The following PRUNE2 variants were observed in gnomAD, a reference collection of about 807,000 sequenced individuals.
The protein encoded by PRUNE2 is protein prune homolog 2.
Under a neutral mutation model 252.0 loss-of-function variants are expected in PRUNE2, and 164 were observed. The ratio of observed to expected loss-of-function variants is 0.65; its 90% CI spans 0.57 to 0.74. The LOEUF is 0.74. Ranked by LOEUF, PRUNE2 falls within the 30% of genes least tolerant of loss-of-function variation. PRUNE2 has a pLI of 0.00. For missense variants in PRUNE2, 3,495 were observed against 3,711.0 expected, an observed-to-expected ratio of 0.94 and a Z score of 1.51; for synonymous variants, 1,292 against 1,350.2, an observed-to-expected ratio of 0.96 and a Z score of 0.94.
intron 6 of PRUNE2, among the ~76,000 whole-genome samples, chr9:76,773,186 G>C (rs2053305910): frequency 6.6e-6 from 1 of 152,108 alleles, no homozygotes; most frequent in South Asian, 2.1e-4. Flanking sequence ...TTGTTGTTGG[G>C]ATTCATCCAG....
At chr9:76,882,717 C>T (rs2061860470) in intron 1 of PRUNE2, among the ~76,000 whole-genome samples, 2 of 152,166 alleles carry the variant, frequency 1.3e-5, no homozygotes, top group Non-Finnish European at 2.9e-5. Flanking sequence ...GGTACTAAAC[C>T]ATTCATGAGA....
chr9:76,779,827 C>T (rs1255710489), intron 6 of PRUNE2: 2 of 152,224 alleles, frequency 1.3e-5, no homozygotes, highest in Admixed American at 6.5e-5. Context: ...TGCTTTGTCC[C>T]ATTATCACCA....
chr9:76,678,941 G>A (rs2043117100), intron 9 of PRUNE2, among the ~76,000 whole-genome samples: 1 of 152,220 alleles, frequency 6.6e-6, no homozygotes, highest in Non-Finnish European at 1.5e-5. Flanking sequence ...CGGACAGCTA[G>A]GACTGCATCT....
At chr9:76,625,975 A>G (rs1002838485) in intron 16 of PRUNE2, among the ~76,000 whole-genome samples, 1 of 152,178 alleles carries the variant, frequency 6.6e-6, no homozygotes, top group African/African-American at 2.4e-5. Flanking sequence ...GTATTAGATA[A>G]GCTTTGTTTA....
intron 6 of PRUNE2, among the ~76,000 whole-genome samples, chr9:76,774,450 C>CTTTTTTTATTTATTTATTTTTTTTT (rs1564272256): frequency 4.8e-5 from 2 of 41,402 alleles, no homozygotes; most frequent in Non-Finnish European, 7.8e-5. Context: ...CAGTTCAACC[C>CTTTTTTTATTTATTTATTTTTTTTT]TTTTTTTTTT....
intron 4 of PRUNE2, among the ~76,000 whole-genome samples, chr9:76,845,838 A>G (rs1350330551): frequency 1.3e-5 from 2 of 152,126 alleles, no homozygotes; most frequent in Non-Finnish European, 2.9e-5. Context: ...TCAATAATGG[A>G]ATTTCTGTGG....
At chr9:76,814,493 C>A (rs1302010632) in intron 6 of PRUNE2, among the ~76,000 whole-genome samples, 1 of 152,154 alleles carries the variant, frequency 6.6e-6, no homozygotes, top group Non-Finnish European at 1.5e-5. Flanking sequence ...AGCCAAGCCC[C>A]CTAAAAACCC....
At chr9:76,755,085 G>A (rs962280703) in intron 6 of PRUNE2, among the ~76,000 whole-genome samples, 1 of 151,062 alleles carries the variant, frequency 6.6e-6, no homozygotes, top group African/African-American at 2.4e-5. Context: ...TTCATTCGAC[G>A]ATTAAACAGA....
rs1188869760 is a variant in PRUNE2 at position 76,623,129 on chromosome 9, T to C, written c.9188+1323A>G. Among the ~76,000 whole-genome samples, 3 of 152,338 alleles carry C rather than the reference T, an allele frequency of 2.0e-5. No homozygotes were observed. The East Asian group carries it at 5.8e-4, about 29-fold the overall frequency. ...AGGCCTTCTGCTTTTGCAATGTCTA[T>C]TAAAATGGGAGCTGGTTTTAAAAAT... On this transcript the variant is annotated intron_variant, in intron 17 of 18. Coordinates refer to ENST00000376718, the MANE Select transcript of PRUNE2 (RefSeq NM_015225.3).
At chr9:76,711,514 T>C (rs2046728914) in intron 7 of PRUNE2, among the ~76,000 whole-genome samples, 156 bp from the exon 8 acceptor site, 1 of 152,268 alleles carries the variant, frequency 6.6e-6, no homozygotes, top group Non-Finnish European at 1.5e-5. Context: ...TTCTGATTAC[T>C]GTACCACCAA....
chr9:76,811,663 C>G (rs545599016), intron 6 of PRUNE2, among the ~76,000 whole-genome samples: 1 of 152,268 alleles, frequency 6.6e-6, no homozygotes, highest in Non-Finnish European at 1.5e-5. Flanking sequence ...TAGAAACATA[C>G]AAATTTTATT....
rs368592838 is a variant in PRUNE2 at position 76,713,644 on chromosome 9, C to A, written c.834G>T (p.Leu278=). The A allele has an allele frequency of 1.2e-6, 2 of 1,601,668 alleles. No individual in the cohort carries two copies. Among genetic ancestry groups the A allele is most frequent in the Non-Finnish European group, 1.7e-6 (2 of 1,173,916 alleles). ...GCTCCTCTGACAGATAGCTGGAGAA[C>A]AGGATGAGGACATCAAAACCAAACT... ...TDKFGFDVLI[L]FSSYLSEEQQ... is the part of the protein sequence containing the mutation. Residue 278 remains leucine, a synonymous_variant, in exon 7 of 19, where the codon CTG becomes CTT. Coordinates refer to ENST00000376718, the MANE Select transcript of PRUNE2 (RefSeq NM_015225.3).
chr9:76,756,473 A>G lies in PRUNE2; in HGVS notation c.757-42752T>C, dbSNP rs2051160907. Among the ~76,000 whole-genome samples, 3 of 152,348 alleles carry G rather than the reference A, an allele frequency of 2.0e-5. No individual in the cohort carries two copies. The South Asian group carries it at 6.2e-4, about 32-fold the overall frequency. On this transcript the variant is annotated intron_variant, in intron 6 of 18. Coordinates refer to ENST00000376718, the MANE Select transcript of PRUNE2 (RefSeq NM_015225.3). Reference sequence around the variant, plus strand: ...GCTTCCCCATTCTTTCCAGAGTTGCATGGCTGTCGCAACTAGGAACCAGGC... The same window carrying G: ...GCTTCCCCATTCTTTCCAGAGTTGCGTGGCTGTCGCAACTAGGAACCAGGC...
chr9:76,771,938 T>C (rs1437368309), intron 6 of PRUNE2, among the ~76,000 whole-genome samples: 1 of 152,174 alleles, frequency 6.6e-6, no homozygotes, highest in Non-Finnish European at 1.5e-5. Context: ...AGGAGGACAC[T>C]AATGGCGTGG....
At chr9:76,757,132 A>G (rs988542349) in intron 6 of PRUNE2, among the ~76,000 whole-genome samples, 1 of 152,226 alleles carries the variant, frequency 6.6e-6, no homozygotes, top group African/African-American at 2.4e-5. Context: ...ACAATTCTGC[A>G]TTTACAGGAC....
intron 9 of PRUNE2, among the ~76,000 whole-genome samples, chr9:76,681,190 C>CA (rs1334360952): frequency 2.6e-5 from 4 of 151,800 alleles, no homozygotes; most frequent in Admixed American, 6.5e-5. Flanking sequence ...AAAAACAAAA[C>CA]AAAAAACCAT....
At chr9:76,637,269 G>T (rs1412581482) in intron 14 of PRUNE2, 149 bp downstream of exon 14, 22 of 791,494 alleles carry the variant, frequency 2.8e-5, no homozygotes, top group Non-Finnish European at 4.1e-5. Flanking sequence ...AAGAATACAT[G>T]CTTAATAGCA....
At chr9:76,647,793 T>C (rs1180527801) in intron 11 of PRUNE2, among the ~76,000 whole-genome samples, 2 of 151,870 alleles carry the variant, frequency 1.3e-5, no homozygotes, top group Admixed American at 1.3e-4. Flanking sequence ...GAAACCCTGT[T>C]TCTACTAAAA....
chr9:76,826,335 T>C (rs907221407), intron 5 of PRUNE2, among the ~76,000 whole-genome samples: 6 of 152,092 alleles, frequency 3.9e-5, no homozygotes, highest in African/African-American at 1.4e-4. Flanking sequence ...ATTAGCTGAC[T>C]GTCATGGTGC....
Sources: gnomAD v4.1 joint callset for allele counts (sites outside exome capture counted in the v4.1 genomes callset) on GRCh38, gnomAD v4.1.1 for gene constraint, MANE v1.5 for transcripts, NCBI Gene and HGNC (gene_info 2026-07-23, HGNC 2026-07-21) for gene names.